PSMA6: variants seen among roughly 807,000 people sequenced by gnomAD.
The protein encoded by PSMA6 is proteasome 20S subunit alpha 6.
For synonymous variants in PSMA6, 88 were observed against 97.7 expected (o/e 0.90, Z 0.59); for missense variants, 170 against 294.8 (o/e 0.58, Z 3.10).
Position 35,292,456 on chromosome 14 carries a change from T to TA in PSMA6, c.-18dup, listed in dbSNP as rs1410709189. ...AGCTACGGGGCCCAGGGATTGTGTTTAAAGTAGTGCTTCTACCAACATGTC... is the reference window on the plus strand; with the variant it reads ...AGCTACGGGGCCCAGGGATTGTGTTTAAAAGTAGTGCTTCTACCAACATGTC... On this transcript the variant is annotated 5_prime_UTR_variant, in exon 1 of 7. Coordinates refer to ENST00000261479, the MANE Select transcript of PSMA6 (RefSeq NM_002791.3). 6.2e-7 allele frequency: 1 copy of TA among 1,611,096 alleles called. No homozygotes were observed. Among genetic ancestry groups the TA allele is most frequent in the Non-Finnish European group, 8.5e-7 (1 of 1,178,720 alleles).
chr14:35,310,191 CTTTTTT>C, intron 3 of PSMA6: 3 of 353,842 alleles, frequency 8.5e-6, no homozygotes, highest in Non-Finnish European at 1.1e-5. Flanking sequence ...CTCTCAAGGC[CTTTTTT>C]TTTTTTTTTG....
Position 35,317,380 on chromosome 14 carries a change from A to G in PSMA6, c.*74A>G. The G allele has an allele frequency of 7.4e-7, 1 of 1,350,734 alleles. No homozygotes were observed. The highest frequency in any genetic ancestry group is 1.1e-6 in the Non-Finnish European group (1 of 944,750). 83.7% of individuals were successfully genotyped at this position (1,350,734 alleles called of 1,614,324 possible). On this transcript the variant is annotated 3_prime_UTR_variant, in exon 7 of 7. Coordinates refer to ENST00000261479, the MANE Select transcript of PSMA6 (RefSeq NM_002791.3). ...TGGTAACAACAAACCAACATCATGG[A>G]GGTCCCTGGATTGAAAAAGGAGCCT...
chr14:35,306,862 G>A (rs1183224542), intron 1 of PSMA6, among the ~76,000 whole-genome samples: 2 of 151,864 alleles, frequency 1.3e-5, no homozygotes, highest in Non-Finnish European at 2.9e-5. Context: ...GGAGTCATAT[G>A]TTGGCCTGGC....
intron 2 of PSMA6, 183 bp from the exon 3 acceptor site, chr14:35,308,731 G>A (rs576812736): frequency 8.0e-5 from 40 of 500,080 alleles, no homozygotes; most frequent in Middle Eastern, 1.1e-3. Context: ...AGAGCCCCTC[G>A]AAACTAAAAT....
At position 35,313,336 on chromosome 14, in the gene PSMA6, C is replaced by T. The variant is rs2051980852; in HGVS notation, c.588+277C>T. Reference sequence around the variant, plus strand: ...GGAACCAGCTGGGCATGGTGGCACACACCTGTAGTCCCAGCTACTTGAGAG... The same window carrying T: ...GGAACCAGCTGGGCATGGTGGCACATACCTGTAGTCCCAGCTACTTGAGAG... On this transcript the variant is annotated intron_variant, in intron 5 of 6. Coordinates refer to ENST00000261479, the MANE Select transcript of PSMA6 (RefSeq NM_002791.3). 2.2e-5 allele frequency: 6 copies of T among 270,156 alleles called. No individual in the cohort carries two copies. In the South Asian group the frequency reaches 3.5e-4, roughly 16 times the overall value. 16.7% of individuals were successfully genotyped at this position (270,156 alleles called of 1,614,324 possible). A position where few individuals can be genotyped will look rare whatever the true frequency, so the allele number is the denominator to read the frequency against.
At chr14:35,308,193 G>A (rs2051867814) in intron 2 of PSMA6, 105 bp downstream of exon 2, 1 of 1,449,930 alleles carries the variant, frequency 6.9e-7, no homozygotes, top group Non-Finnish European at 9.3e-7. Context: ...AGGCTGAGGT[G>A]GGCAGATCAC....
rs774336331 is a variant in PSMA6 at position 35,292,443 on chromosome 14, C to T, written c.-34C>T. On this transcript the variant is annotated 5_prime_UTR_variant, in exon 1 of 7. Transcript: ENST00000261479. ...TGCCTGGTGCGGGAGCTACGGGGCC[C>T]AGGGATTGTGTTTAAAGTAGTGCTT... 3.1e-6 allele frequency: 5 copies of T among 1,601,776 alleles called. No individual in the cohort carries two copies. In the East Asian group the frequency reaches 9.1e-5, roughly 29 times the overall value.
chr14:35,313,631 T>G (rs2051985215), intron 5 of PSMA6: 1 of 152,204 alleles, frequency 6.6e-6, no homozygotes, highest in African/African-American at 2.4e-5. Flanking sequence ...TCTTAAAGGT[T>G]TCTTTTATTG....
chr14:35,308,968 A>G lies in PSMA6; in HGVS notation c.226A>G (p.Ile76Val). 5 of 1,610,382 alleles carry G rather than the reference A, an allele frequency of 3.1e-6. No individual in the cohort carries two copies. Among genetic ancestry groups the G allele is most frequent in the Non-Finnish European group, 2.5e-6 (3 of 1,177,226 alleles). The part of the protein sequence containing the change: ...VTHLFKITEN[I>V]GCVMTGMTAD... Reference sequence around the variant, plus strand: ...TCACTTATTCAAGATAACTGAAAACATTGGTTGTGTGATGACCGGAATGAC... The same window carrying G: ...TCACTTATTCAAGATAACTGAAAACGTTGGTTGTGTGATGACCGGAATGAC... Residue 76 changes from isoleucine (I) to valine (V), a missense_variant, in exon 3 of 7, where the codon ATT (isoleucine) becomes GTT (valine). Ile to Val is a conservative substitution (Grantham distance 29, BLOSUM62 3). Coordinates refer to ENST00000261479, the MANE Select transcript of PSMA6 (RefSeq NM_002791.3).
chr14:35,308,232 A>G, intron 2 of PSMA6, 144 bp downstream of exon 2: 1 of 999,820 alleles, frequency 1.0e-6, no homozygotes, highest in Non-Finnish European at 1.4e-6. Flanking sequence ...GACCAGCGTG[A>G]CCAACATGGA....
chr14:35,292,274 T>C, upstream of PSMA6: 3 of 1,383,218 alleles, frequency 2.2e-6, no homozygotes, highest in Non-Finnish European at 2.8e-6. Flanking sequence ...CCTCCCGCCC[T>C]CACTCCACCA....
chr14:35,307,969 TA>T (rs554466773), intron 1 of PSMA6, 24 bp from the exon 2 acceptor site: 3 of 1,604,830 alleles, frequency 1.9e-6, no homozygotes, highest in South Asian at 1.1e-5. Context: ...TATTCCAACT[TA>T]AAAAAAACTG....
chr14:35,302,818 T>G (rs1260198849), intron 1 of PSMA6, among the ~76,000 whole-genome samples: 1 of 152,202 alleles, frequency 6.6e-6, no homozygotes, highest in Non-Finnish European at 1.5e-5. Context: ...ATTTTTAAAT[T>G]TTACGTATTA....
At chr14:35,291,361 G>A (rs2051477279), upstream of PSMA6, among the ~76,000 whole-genome samples, 1 of 152,102 alleles carries the variant, frequency 6.6e-6, no homozygotes, top group Admixed American at 6.5e-5. Flanking sequence ...GGGACTACAG[G>A]CGCCCGCCAC....
chr14:35,300,245 G>A (rs61988276), intron 1 of PSMA6, among the ~76,000 whole-genome samples: 19,170 of 152,194 alleles, frequency 0.13, 1,406 homozygotes, highest in Middle Eastern at 0.22. Context: ...AAGGCAGGAG[G>A]ATTGCTTGAG....
At chr14:35,281,588 A>G (rs559025615) in intron 1 of PSMA6, among the ~76,000 whole-genome samples, 4 of 152,284 alleles carry the variant, frequency 2.6e-5, no homozygotes, top group African/African-American at 9.6e-5. Context: ...AATAGTAACA[A>G]AACAACACCT....
At chr14:35,306,467 G>A (rs1426728619) in intron 1 of PSMA6, among the ~76,000 whole-genome samples, 2 of 152,184 alleles carry the variant, frequency 1.3e-5, no homozygotes, top group Non-Finnish European at 2.9e-5. Flanking sequence ...ACTTCAGGAG[G>A]CTGAGGCAGG....
Position 35,283,769 on chromosome 14 carries a change from T to C in PSMA6, c.19+5051T>C, listed in dbSNP as rs371250385. Among the ~76,000 whole-genome samples the C allele has an allele frequency of 7.2e-5, 11 of 152,144 alleles. No individual in the cohort carries two copies. The South Asian group carries it at 8.3e-4, about 11-fold the overall frequency. On this transcript the variant is annotated intron_variant, in intron 1 of 6. Coordinates refer to the PSMA6 transcript ENST00000540871. ...TTTTTGTAGATAAAGGGTTTTGCCA[T>C]GTTGCCCAAGCTGGTCTCAAACTCC...
intron 1 of PSMA6, among the ~76,000 whole-genome samples, chr14:35,295,273 G>A (rs1309645137): frequency 1.3e-5 from 2 of 151,568 alleles, no homozygotes; most frequent in African/African-American, 2.4e-5. Flanking sequence ...GGAGGCAGAG[G>A]TTGCAGTGAG....
Sources: gnomAD v4.1 joint callset for allele counts (sites outside exome capture counted in the v4.1 genomes callset) on GRCh38, gnomAD v4.1.1 for gene constraint, MANE v1.5 for transcripts, NCBI Gene and HGNC (gene_info 2026-07-23, HGNC 2026-07-21) for gene names.